Variants in AGMO observed in about 807,000 individuals in gnomAD.
The protein encoded by AGMO is glyceryl-ether monooxygenase.
Under a neutral mutation model 60.2 loss-of-function variants are expected in AGMO, and 75 were observed. The ratio of observed to expected loss-of-function variants is 1.25; its 90% CI spans 1.03 to 1.51. The LOEUF (loss-of-function observed/expected upper bound fraction) is 1.51. AGMO is among the 40% of genes most tolerant of loss of function. The probability of loss-of-function intolerance (pLI) is 0.00; values close to 1 mark genes in which losing one functional copy is unlikely to be tolerated. For synonymous variants in AGMO, 261 were observed against 177.1 expected, an observed-to-expected ratio of 1.47 and a Z score of -3.76; for missense variants, 763 against 525.5, an observed-to-expected ratio of 1.45 and a Z score of -4.42.
At chr7:15,273,839 T>C (rs1329624980) in intron 12 of AGMO, among the ~76,000 whole-genome samples, 1 of 152,196 alleles carries the variant, frequency 6.6e-6, no homozygotes, top group Non-Finnish European at 1.5e-5. Context: ...GTCCTTCACA[T>C]CCCTTGTAAG....
chr7:15,471,408 T>C (rs1187864369), intron 3 of AGMO, among the ~76,000 whole-genome samples: 1 of 151,902 alleles, frequency 6.6e-6, no homozygotes, highest in Non-Finnish European at 1.5e-5. Flanking sequence ...TATAAGCATA[T>C]TCCATTCTCT....
At chr7:15,303,390 T>TCTA (rs1377574482) in intron 12 of AGMO, among the ~76,000 whole-genome samples, 1 of 151,738 alleles carries the variant, frequency 6.6e-6, no homozygotes, top group African/African-American at 2.4e-5. Context: ...AAGATGAATG[T>TCTA]CTAATTGTGT....
intron 12 of AGMO, among the ~76,000 whole-genome samples, chr7:15,208,708 T>TA (rs1781501614): frequency 6.6e-6 from 1 of 152,204 alleles, no homozygotes; most frequent in African/African-American, 2.4e-5. Flanking sequence ...AAAAATTCTT[T>TA]AACTTTCTTA....
intron 2 of AGMO, among the ~76,000 whole-genome samples, chr7:15,550,150 G>T (rs1784906455): frequency 6.6e-6 from 1 of 151,506 alleles, no homozygotes; most frequent in Non-Finnish European, 1.5e-5. Flanking sequence ...CAGAATCTCT[G>T]GGATGCATTC....
chr7:15,367,446 T>A (rs1241627528), intron 10 of AGMO, among the ~76,000 whole-genome samples: 2 of 152,064 alleles, frequency 1.3e-5, no homozygotes, highest in Non-Finnish European at 2.9e-5. Flanking sequence ...GTTGTCATTA[T>A]ATCGGCTTTA....
chr7:15,271,945 T>C (rs1274066034), intron 12 of AGMO, among the ~76,000 whole-genome samples: 2 of 152,156 alleles, frequency 1.3e-5, no homozygotes, highest in Non-Finnish European at 2.9e-5. Context: ...TGTTTCTAAT[T>C]GAGTTTATGC....
intron 3 of AGMO, among the ~76,000 whole-genome samples, chr7:15,446,916 A>G (rs1363351679): frequency 2.0e-5 from 3 of 152,288 alleles, no homozygotes; most frequent in East Asian, 1.9e-4. Context: ...GCTCTGCAGG[A>G]TATCACCTAC....
At chr7:15,403,671 G>C (rs1384509501) in intron 5 of AGMO, among the ~76,000 whole-genome samples, 14 of 151,926 alleles carry the variant, frequency 9.2e-5, no homozygotes, top group Admixed American at 9.2e-4. Flanking sequence ...TTCTGAATTA[G>C]TTGATCTTTA....
intron 3 of AGMO, among the ~76,000 whole-genome samples, chr7:15,476,909 C>T (rs1296029101): frequency 1.3e-5 from 2 of 151,988 alleles, no homozygotes; most frequent in Admixed American, 6.6e-5. Context: ...AAATGAAATA[C>T]CTTGCTTGCT....
intron 3 of AGMO, among the ~76,000 whole-genome samples, chr7:15,526,719 TA>T (rs1286116133): frequency 7.2e-5 from 11 of 152,316 alleles, no homozygotes; most frequent in Admixed American, 2.0e-4. Context: ...TGCTACACTT[TA>T]TTGGGCTTTG....
At chr7:15,515,964 G>A (rs1218663421) in intron 3 of AGMO, among the ~76,000 whole-genome samples, 4 of 152,068 alleles carry the variant, frequency 2.6e-5, no homozygotes, top group African/African-American at 4.8e-5. Flanking sequence ...GAGATCGATC[G>A]TACACCATGG....
chr7:15,490,603 A>G (rs1483763980), intron 3 of AGMO, among the ~76,000 whole-genome samples: 1 of 152,180 alleles, frequency 6.6e-6, no homozygotes. Flanking sequence ...TTTTCATATA[A>G]TGATCTGCAG....
chr7:15,179,908 C>T, the AGMO span, among the ~76,000 whole-genome samples: 1 of 152,256 alleles, frequency 6.6e-6, no homozygotes, highest in Admixed American at 6.5e-5. Flanking sequence ...TCAACCATGG[C>T]TGGATTGCCA....
At chr7:15,386,447 A>G (rs1354851145) in intron 9 of AGMO, among the ~76,000 whole-genome samples, 1 of 152,174 alleles carries the variant, frequency 6.6e-6, no homozygotes, top group Admixed American at 6.5e-5. Flanking sequence ...GAAAAATAAT[A>G]AATCGATCAT....
At chr7:15,432,379 T>TATATATATATATATATATATAC (rs373845365) in intron 3 of AGMO, among the ~76,000 whole-genome samples, 2,225 of 135,864 alleles carry the variant, frequency 0.016, 58 homozygotes, top group Middle Eastern at 0.024. Flanking sequence ...CATATATATA[T>TATATATATATATATATATATAC]ACACTATCTG....
chr7:15,468,001 T>G (rs1782339231), intron 3 of AGMO, among the ~76,000 whole-genome samples: 1 of 152,118 alleles, frequency 6.6e-6, no homozygotes, highest in Admixed American at 6.6e-5. Context: ...TGTTTCTCAT[T>G]TGTAACTCTT....
chr7:15,331,301 A>G (rs1781492781), intron 12 of AGMO, among the ~76,000 whole-genome samples: 1 of 152,220 alleles, frequency 6.6e-6, no homozygotes, highest in African/African-American at 2.4e-5. Context: ...AATAAAAATG[A>G]TTATTACGGC....
rs149179426 is a variant in AGMO, at chr7:15,399,761, C to T, written c.610-5582G>A. ...GGGAGCCATAAGACCGTCGTTATGT[C>T]ATTTCCCCTGACCAAAAATAAAATG... On this transcript the variant is annotated intron_variant, in intron 5 of 12. Transcript: ENST00000342526. 3.3e-3 allele frequency among the ~76,000 whole-genome samples: 504 copies of T among 152,236 alleles called. 1 individual carries two copies. Among genetic ancestry groups the T allele is most frequent in the African/African-American group, 0.011 (476 of 41,546 alleles).
intron 12 of AGMO, among the ~76,000 whole-genome samples, chr7:15,331,448 G>T (rs549038284): frequency 1.4e-4 from 21 of 152,270 alleles, no homozygotes; most frequent in Middle Eastern, 3.4e-3. Context: ...GTGTCTGTGT[G>T]TGTGAGCATG....
Sources: gnomAD v4.1 joint callset for allele counts (sites outside exome capture counted in the v4.1 genomes callset) on GRCh38, gnomAD v4.1.1 for gene constraint, MANE v1.5 for transcripts, NCBI Gene and HGNC (gene_info 2026-07-23, HGNC 2026-07-21) for gene names.